CDC6: variants seen among roughly 807,000 people sequenced by gnomAD.
The protein encoded by CDC6 is DNA replication factor CDC6.
In CDC6, 46 loss-of-function variants were observed where a neutral mutation model predicts 60.2. The ratio of observed to expected loss-of-function variants is 0.76; its 90% confidence interval spans 0.60 to 0.98. CDC6 has a LOEUF of 0.98. CDC6 is among the 50% of genes least tolerant of loss of function. The pLI is 0.00. For missense variants in CDC6, 596 were observed against 652.9 expected (o/e 0.91, Z 0.95); for synonymous variants, 210 against 233.2 (o/e 0.90, Z 0.90).
intron 9 of CDC6, among the ~76,000 whole-genome samples, chr17:40,298,982 C>G (rs1390754950): frequency 6.6e-6 from 1 of 151,960 alleles, no homozygotes; most frequent in Non-Finnish European, 1.5e-5. Flanking sequence ...TCCATTAGTC[C>G]TCTGCAGCAT....
In CDC6 at chr17:40,291,684, G is replaced by C. The variant is rs2032764833; in HGVS notation, c.660+16G>C. On this transcript the variant is annotated intron_variant, in intron 4 of 11. Coordinates refer to ENST00000209728, the MANE Select transcript of CDC6 (RefSeq NM_001254.4). ...AGACCTCAAGGTACATTGAGAGTCT[G>C]AATTATGATACTCTTGGTAAAATGA... The C allele has an allele frequency of 1.3e-6, 2 of 1,598,712 alleles. No individual in the cohort carries two copies. The highest frequency in any genetic ancestry group is 1.7e-6 in the Non-Finnish European group (2 of 1,166,056).
At chr17:40,290,971 C>T (rs2032748307) in intron 2 of CDC6, 87 bp from the exon 3 acceptor site, 2 of 1,368,288 alleles carry the variant, frequency 1.5e-6, no homozygotes, top group Non-Finnish European at 1.0e-6. Context: ...TAGAAATTCA[C>T]CTCTTTCTGG....
Position 40,301,527 on chromosome 17 carries a change from A to G in CDC6, c.1512A>G (p.Ser504=), listed in dbSNP as rs4135031. Residue 504 remains serine, a synonymous_variant, in exon 11 of 12, where the codon TCA becomes TCG. Coordinates refer to ENST00000209728, the MANE Select transcript of CDC6 (RefSeq NM_001254.4). ...AGCAGGTGGCGGCTGTGGACCAGTC[A>G]GAGTGTTTGTCACTTTCAGGGCTCT... ...RKQQVAAVDQ[S]ECLSLSGLLE... 1.6e-3 allele frequency: 2,533 copies of G among 1,613,860 alleles called. 60 individuals carry two copies. The South Asian group carries it at 0.026, about 17-fold the overall frequency.
Position 40,300,978 on chromosome 17 carries a change from CT to C in CDC6, c.1403del (p.Leu468Ter). ...CTTCAGCAGAAGATCTTGGTTTGCT[CT>C]TTGATGCTCTTGATCAGGCAGTTGA... Reference protein sequence around the residue: ...FPLQQKILVCSLMLLIRQLKI... With the variant: ...FPLQQKILVCXLMLLIRQLKI... On this transcript the variant is annotated frameshift_variant, in exon 10 of 12. Transcript: ENST00000209728. LOFTEE classifies it high-confidence loss of function. 6.2e-7 allele frequency: 1 copy of C among 1,614,056 alleles called. No homozygotes were observed. Among genetic ancestry groups the C allele is most frequent in the African/African-American group, 1.3e-5 (1 of 75,040 alleles).
At position 40,291,237 on chromosome 17, in the gene CDC6, A is replaced by C; in HGVS notation, c.358A>C (p.Ile120Leu). Residue 120 changes from isoleucine to leucine, a missense_variant, in exon 3 of 12, where the codon ATA (isoleucine) becomes CTA (leucine). Physicochemically the swap from Ile to Leu is conservative, Grantham distance 5. Transcript: ENST00000209728. ...RELAKVHQNK[I>L]LSSVRKSQEI... ...ACTAGCCAAAGTTCACCAAAACAAA[A>C]TACTTTCTTCAGTTAGAAAAAGTCA... 1 of 1,614,200 alleles carries C rather than the reference A, an allele frequency of 6.2e-7. No individual in the cohort carries two copies. The highest frequency in any genetic ancestry group is 8.5e-7 in the Non-Finnish European group (1 of 1,180,012).
At position 40,303,021 on chromosome 17, in the gene CDC6, A is replaced by T. The variant is rs978812026; in HGVS notation, c.*1020A>T. On this transcript the variant is annotated 3_prime_UTR_variant, in exon 12 of 12. Coordinates refer to ENST00000209728, the MANE Select transcript of CDC6 (RefSeq NM_001254.4). ...CTGTCCCACAGTCTTTGCTGCCCTT[A>T]GATGAAGCCACTTGTTTCAAGATGA... 1 of 152,228 alleles carries T rather than the reference A, an allele frequency of 6.6e-6. No homozygotes were observed. The allele number at this position is 152,228 out of a possible 1,614,324, so 9.4% of individuals were successfully genotyped here.
At chr17:40,289,935 T>C (rs1330084972) in intron 2 of CDC6, among the ~76,000 whole-genome samples, 1 of 149,252 alleles carries the variant, frequency 6.7e-6, no homozygotes, top group Non-Finnish European at 1.5e-5. Context: ...TATTGGCCAA[T>C]CTGGTCTCTG....
At position 40,302,296 on chromosome 17, in the gene CDC6, G is replaced by GT. The variant is rs2032951015; in HGVS notation, c.*296dup. Reference sequence around the variant, plus strand: ...AGTGTACAGATCTGTGTAGAGGAATGTGTGTATATTTACCTCTTCGTTTGC... The same window carrying GT: ...AGTGTACAGATCTGTGTAGAGGAATGTTGTGTATATTTACCTCTTCGTTTGC... On this transcript the variant is annotated 3_prime_UTR_variant, in exon 12 of 12. Transcript: ENST00000209728. The GT allele has an allele frequency of 7.9e-6, 3 of 377,906 alleles. No homozygotes were observed. Among genetic ancestry groups the GT allele is most frequent in the African/African-American group, 6.2e-5 (3 of 48,332 alleles). The allele number at this position is 377,906 out of a possible 1,614,324, so 23.4% of individuals were successfully genotyped here.
intron 2 of CDC6, 105 bp downstream of exon 2, chr17:40,289,703 CTTTTT>C (rs34020648): frequency 8.7e-4 from 290 of 332,450 alleles, no homozygotes; most frequent in East Asian, 2.5e-3. Flanking sequence ...GTTAAGACTT[CTTTTT>C]TTTTTTTTTT....
Position 40,295,365 on chromosome 17 carries a change from G to A in CDC6, c.1093G>A (p.Asp365Asn). Residue 365 changes from aspartate (D) to asparagine (N), a missense_variant, in exon 8 of 12, where the codon GAT becomes AAT. Asp to Asn is a conservative substitution (Grantham distance 23). Transcript: ENST00000209728. Reference protein sequence around the residue: ...LQDRLNQVSRDQVLDNAAVQF... With the variant: ...LQDRLNQVSRNQVLDNAAVQF... ...TATGTCTTGTCTGAAGGTATCTAGA[G>A]ATCAGGTTCTGGACAATGCTGCAGT... 3.1e-6 allele frequency: 5 copies of A among 1,609,640 alleles called. No homozygotes were observed. The highest frequency in any genetic ancestry group is 4.3e-6 in the Non-Finnish European group (5 of 1,175,992).
intron 8 of CDC6, 21 bp from the exon 9 acceptor site, chr17:40,296,682 T>A: frequency 6.7e-7 from 1 of 1,495,650 alleles, no homozygotes; most frequent in Non-Finnish European, 9.3e-7. Flanking sequence ...ACTAAATTAA[T>A]TTTAGAAATT....
intron 2 of CDC6, 28 bp from the exon 3 acceptor site, chr17:40,291,030 A>T: frequency 6.2e-7 from 1 of 1,611,452 alleles, no homozygotes; most frequent in Non-Finnish European, 8.5e-7. Flanking sequence ...GCTATGAGTG[A>T]CTACATTTTT....
At chr17:40,289,667 T>C (rs961271681) in intron 2 of CDC6, 69 bp downstream of exon 2, 1 of 1,180,612 alleles carries the variant, frequency 8.5e-7, no homozygotes, top group African/African-American at 1.5e-5. Flanking sequence ...AAGATGTGTG[T>C]CCTTTGAAGG....
chr17:40,291,221 A>C lies in CDC6; in HGVS notation c.342A>C (p.Lys114Asn). The C allele has an allele frequency of 6.2e-7, 1 of 1,614,248 alleles. No individual in the cohort carries two copies. Among genetic ancestry groups the C allele is most frequent in the Non-Finnish European group, 8.5e-7 (1 of 1,180,034 alleles). ...IKSPSKRELA[K>N]VHQNKILSSV... ...CTCCTAGCAAAAGAGAACTAGCCAA[A>C]GTTCACCAAAACAAAATACTTTCTT... Residue 114 changes from lysine (K) to asparagine (N), a missense_variant, in exon 3 of 12, where the codon AAA becomes AAC. By Grantham distance (94) the Lys-to-Asn change is moderately conservative. Coordinates refer to ENST00000209728, the MANE Select transcript of CDC6 (RefSeq NM_001254.4).
At chr17:40,298,324 A>G (rs2032888774) in intron 9 of CDC6, among the ~76,000 whole-genome samples, 2 of 152,038 alleles carry the variant, frequency 1.3e-5, no homozygotes, top group Middle Eastern at 3.4e-3. Context: ...ACACAAACAT[A>G]ATTCAAAAAG....
chr17:40,289,064 G>T (rs1408863849), intron 1 of CDC6: 2 of 319,256 alleles, frequency 6.3e-6, no homozygotes, highest in Non-Finnish European at 1.2e-5. Flanking sequence ...GGCACCAGAT[G>T]CCCGGGGTTA....
chr17:40,296,668 T>C (rs2032864098), intron 8 of CDC6, 35 bp from the exon 9 acceptor site: 1 of 1,294,326 alleles, frequency 7.7e-7, no homozygotes, highest in Non-Finnish European at 1.1e-6. Flanking sequence ...TTGGTTTGGC[T>C]CAGACTAAAT....
At chr17:40,295,501 AAG>A (rs1555567072) in intron 8 of CDC6, 45 bp downstream of exon 8, 4 of 1,263,612 alleles carry the variant, frequency 3.2e-6, no homozygotes, top group African/African-American at 2.9e-5. Flanking sequence ...AAAAAAAAAA[AAG>A]AAATGCTGTT....
At chr17:40,301,723 T>G (rs2032943139) in intron 11 of CDC6, 115 bp downstream of exon 11, 1 of 1,215,842 alleles carries the variant, frequency 8.2e-7, no homozygotes, top group African/African-American at 1.5e-5. Context: ...AGTCGTTTTT[T>G]GTTAGGTAAG....
Sources: gnomAD v4.1 joint callset for allele counts (sites outside exome capture counted in the v4.1 genomes callset) on GRCh38, gnomAD v4.1.1 for gene constraint, MANE v1.5 for transcripts, NCBI Gene and HGNC (gene_info 2026-07-23, HGNC 2026-07-21) for gene names.